The following CCSER1 variants were observed in gnomAD, a reference collection of about 807,000 sequenced individuals.
CCSER1 encodes the protein coiled-coil serine rich protein 1.
In CCSER1, 41 loss-of-function variants were observed where a neutral mutation model predicts 82.0. The observed-to-expected ratio is 0.50, with a 90% CI of 0.39 to 0.65. CCSER1 has a LOEUF of 0.65. CCSER1 is among the 30% of genes least tolerant of loss of function. CCSER1 has a pLI of 0.00. For missense variants in CCSER1, 1,119 were observed against 1,064.2 expected, an observed-to-expected ratio of 1.05 and a Z score of -0.72; for synonymous variants, 414 against 383.9, an observed-to-expected ratio of 1.08 and a Z score of -0.92.
chr4:90,890,378 A>G (rs982866435), intron 8 of CCSER1, among the ~76,000 whole-genome samples: 2 of 152,176 alleles, frequency 1.3e-5, no homozygotes, highest in East Asian at 3.9e-4. Context: ...CTGTGTTCAT[A>G]TATATCCCCT....
chr4:91,554,505 T>A (rs1322612442), intron 10 of CCSER1, among the ~76,000 whole-genome samples: 1 of 150,814 alleles, frequency 6.6e-6, no homozygotes, highest in African/African-American at 2.4e-5. Flanking sequence ...AAGAGGAAAA[T>A]CTGTACACTG....
chr4:91,243,640 G>T (rs908767110), intron 10 of CCSER1, among the ~76,000 whole-genome samples: 5 of 152,202 alleles, frequency 3.3e-5, no homozygotes, highest in Admixed American at 3.3e-4. Flanking sequence ...CTAGCTCCCA[G>T]ATGACATTTC....
intron 7 of CCSER1, among the ~76,000 whole-genome samples, chr4:90,795,812 T>A (rs1337202887): frequency 3.9e-5 from 6 of 152,236 alleles, no homozygotes; most frequent in Admixed American, 3.3e-4. Flanking sequence ...TATTTGTGTA[T>A]GTTGAACCAA....
intron 10 of CCSER1, among the ~76,000 whole-genome samples, chr4:91,124,314 A>G (rs191981485): frequency 6.6e-6 from 1 of 151,980 alleles, no homozygotes; most frequent in Admixed American, 6.6e-5. Context: ...GAAATTCTGC[A>G]TTATATTAAA....
intron 1 of CCSER1, among the ~76,000 whole-genome samples, chr4:90,249,160 C>G (rs1013694712): frequency 6.6e-6 from 1 of 152,088 alleles, no homozygotes. Context: ...CGTATATAAC[C>G]CACCAGACAA....
chr4:90,360,949 A>C (rs1222380071), intron 3 of CCSER1, among the ~76,000 whole-genome samples: 3 of 152,236 alleles, frequency 2.0e-5, no homozygotes, highest in African/African-American at 7.2e-5. Flanking sequence ...ACCATAATAA[A>C]GATAAATAAA....
intron 10 of CCSER1, among the ~76,000 whole-genome samples, chr4:91,532,002 T>C (rs760070738): frequency 2.0e-5 from 3 of 152,188 alleles, no homozygotes; most frequent in Non-Finnish European, 4.4e-5. Flanking sequence ...TGTGAGCCAC[T>C]GCTCCAGGCC....
At chr4:91,443,676 TAAA>T (rs1755361014) in intron 10 of CCSER1, among the ~76,000 whole-genome samples, 1 of 148,054 alleles carries the variant, frequency 6.8e-6, no homozygotes, top group East Asian at 2.0e-4. Flanking sequence ...AATAATAAAA[TAAA>T]AGAAAATAAT....
intron 5 of CCSER1, among the ~76,000 whole-genome samples, chr4:90,612,994 AG>A (rs1230788324): frequency 6.6e-6 from 1 of 152,128 alleles, no homozygotes; most frequent in Non-Finnish European, 1.5e-5. Flanking sequence ...CTGAGTATCC[AG>A]GGAACAATAA....
At chr4:90,852,480 G>A (rs569133744) in intron 8 of CCSER1, among the ~76,000 whole-genome samples, 32 of 152,330 alleles carry the variant, frequency 2.1e-4, no homozygotes, top group Non-Finnish European at 4.0e-4. Context: ...CCATGGTGCT[G>A]CAGAAGCCAG....
At chr4:91,567,082 A>G (rs1234888513) in intron 10 of CCSER1, among the ~76,000 whole-genome samples, 1 of 151,936 alleles carries the variant, frequency 6.6e-6, no homozygotes, top group East Asian at 1.9e-4. Context: ...TATATTGTAT[A>G]TTTGTTCCCA....
At chr4:90,714,341 A>G (rs1191423152) in intron 6 of CCSER1, among the ~76,000 whole-genome samples, 1 of 151,952 alleles carries the variant, frequency 6.6e-6, no homozygotes, top group African/African-American at 2.4e-5. Context: ...TTTCTTATTA[A>G]GCACACATTA....
chr4:91,369,439 T>A (rs1305112861), intron 10 of CCSER1, among the ~76,000 whole-genome samples: 1 of 152,182 alleles, frequency 6.6e-6, no homozygotes, highest in Non-Finnish European at 1.5e-5. Flanking sequence ...TTGCAGGAAT[T>A]TTTGAGCAAT....
intron 3 of CCSER1, among the ~76,000 whole-genome samples, chr4:90,357,804 A>G (rs1222519245): frequency 6.6e-6 from 1 of 152,032 alleles, no homozygotes; most frequent in East Asian, 1.9e-4. Flanking sequence ...GTCAATTCTA[A>G]AACTATCGTG....
At chr4:91,355,401 C>T (rs142779186) in intron 10 of CCSER1, among the ~76,000 whole-genome samples, 1 of 151,940 alleles carries the variant, frequency 6.6e-6, no homozygotes, top group South Asian at 2.1e-4. Context: ...AAACTGTGAT[C>T]GTGGGAGGCT....
chr4:91,362,406 C>A (rs1490876451), intron 10 of CCSER1, among the ~76,000 whole-genome samples: 1 of 151,810 alleles, frequency 6.6e-6, no homozygotes, highest in Non-Finnish European at 1.5e-5. Flanking sequence ...CACACATACA[C>A]ACACACAATG....
At chr4:90,610,847 C>T (rs970359020) in intron 5 of CCSER1, among the ~76,000 whole-genome samples, 1 of 151,966 alleles carries the variant, frequency 6.6e-6, no homozygotes, top group African/African-American at 2.4e-5. Flanking sequence ...AAATTTGAAA[C>T]TCAGAAGATT....
intron 5 of CCSER1, among the ~76,000 whole-genome samples, chr4:90,502,146 C>G (rs1332535725): frequency 1.3e-5 from 2 of 152,058 alleles, no homozygotes; most frequent in Non-Finnish European, 1.5e-5. Flanking sequence ...CTACCTGAGA[C>G]TGGGTAATTT....
intron 8 of CCSER1, among the ~76,000 whole-genome samples, chr4:90,913,788 T>C (rs1726827402): frequency 6.7e-6 from 1 of 148,994 alleles, no homozygotes; most frequent in Non-Finnish European, 1.5e-5. Context: ...AATAAAGGGA[T>C]GGAGGAAGAG....
Sources: gnomAD v4.1 joint callset for allele counts (sites outside exome capture counted in the v4.1 genomes callset) on GRCh38, gnomAD v4.1.1 for gene constraint, MANE v1.5 for transcripts, NCBI Gene and HGNC (gene_info 2026-07-23, HGNC 2026-07-21) for gene names.